Variants in CPAMD8 observed in about 807,000 individuals in gnomAD.
CPAMD8 encodes C3 and PZP like alpha-2-macroglobulin domain containing 8.
A neutral mutation model predicts 224.7 loss-of-function variants in CPAMD8; 146 were observed. The ratio of observed to expected loss-of-function variants is 0.65; its 90% CI spans 0.57 to 0.75. The LOEUF (loss-of-function observed/expected upper bound fraction) is 0.75, where lower values mean the gene tolerates loss of function less well. CPAMD8 is among the 30% of genes least tolerant of loss of function. The pLI, the probability that CPAMD8 is intolerant of heterozygous loss-of-function variation, is 0.00. For missense variants in CPAMD8, 2,301 were observed against 2,537.5 expected, an observed-to-expected ratio of 0.91 and a Z score of 2.00; for synonymous variants, 966 against 1,044.6, an observed-to-expected ratio of 0.92 and a Z score of 1.45.
rs183015197 is a variant in CPAMD8 at position 16,962,622 on chromosome 19, G to A, written c.2214-4707C>T. Among the ~76,000 whole-genome samples the A allele has an allele frequency of 2.4e-4, 37 of 152,258 alleles. No homozygotes were observed. The East Asian group carries it at 6.4e-3, about 26-fold the overall frequency. On this transcript the variant is annotated intron_variant, in intron 18 of 41. Transcript: ENST00000443236. ...AACCAAGTTGGAAAACACTCTGCAG[G>A]ATATTATCCAGGAGAACTTCCCCAA...
chr19:16,973,610 A>G (rs1314025395), intron 17 of CPAMD8, among the ~76,000 whole-genome samples: 1 of 151,932 alleles, frequency 6.6e-6, no homozygotes, highest in Non-Finnish European at 1.5e-5. Context: ...TGGCCTCCCA[A>G]AGTGCTGGGA....
At chr19:16,929,727 G>A (rs2053490534) in intron 23 of CPAMD8, among the ~76,000 whole-genome samples, 1 of 152,084 alleles carries the variant, frequency 6.6e-6, no homozygotes, top group African/African-American at 2.4e-5. Context: ...AAAACAAAAA[G>A]ATAAGATGCT....
At position 16,899,887 on chromosome 19, in the gene CPAMD8, C is replaced by A. The variant is rs2144713963; in HGVS notation, c.4774-338G>T. On this transcript the variant is annotated intron_variant, in intron 36 of 41. Coordinates refer to ENST00000443236, the MANE Select transcript of CPAMD8 (RefSeq NM_015692.5). The surrounding 1 kb of genome is among the most constrained non-coding windows in gnomAD (Gnocchi z 5.4). Reference sequence around the variant, plus strand: ...TCAGCTGCACTGTTCAAGTTCCCCTCCCAGCCTGGGATTTTTTTTTTTTTT... The same window carrying A: ...TCAGCTGCACTGTTCAAGTTCCCCTACCAGCCTGGGATTTTTTTTTTTTTT... Among the ~76,000 whole-genome samples the A allele has an allele frequency of 6.7e-6, 1 of 149,998 alleles. No individual in the cohort carries two copies. The highest frequency in any genetic ancestry group is 2.1e-4 in the South Asian group (1 of 4,692).
At chr19:16,959,793 C>A (rs1169998617) in intron 18 of CPAMD8, among the ~76,000 whole-genome samples, 3 of 152,206 alleles carry the variant, frequency 2.0e-5, no homozygotes, top group African/African-American at 2.4e-5. Flanking sequence ...CCCACCTCAG[C>A]CTCTCAAAGT....
At chr19:17,001,996 G>T (rs1430354645) in intron 9 of CPAMD8, among the ~76,000 whole-genome samples, 2 of 150,908 alleles carry the variant, frequency 1.3e-5, no homozygotes, top group Non-Finnish European at 3.0e-5. Flanking sequence ...GGGAGGAGGC[G>T]CCCACAGGGG....
Position 16,921,963 on chromosome 19 carries a change from T to G in CPAMD8, c.3571A>C (p.Lys1191Gln). 1 of 1,548,274 alleles carries G rather than the reference T, an allele frequency of 6.5e-7. No homozygotes were observed. Among genetic ancestry groups the G allele is most frequent in the East Asian group, 2.4e-5 (1 of 40,896 alleles). The change falls in exon 27 of 42, where the codon AAG (lysine) becomes CAG (glutamine). Residue 1191 changes from lysine (K) to glutamine (Q), a missense_variant. This residue lies in a region of CPAMD8 where 1,709 missense variants were observed against 1,753.2 expected (regional missense o/e 0.97). Transcript: ENST00000443236. The stretch of plus-strand genomic sequence containing the variant: ...GCGCTGTAGGAGCCATCCTGGCGCT[T>G]GTAGGTCAGCTGGCGCTGGTAGCCT... ...VQGYQRQLTY[K>Q]RQDGSYSAFG...
At chr19:16,953,030 C>A (rs922716237) in intron 19 of CPAMD8, among the ~76,000 whole-genome samples, 2 of 151,984 alleles carry the variant, frequency 1.3e-5, no homozygotes, top group African/African-American at 4.8e-5. Flanking sequence ...ACATACAGAC[C>A]AATGGAATCA....
chr19:16,913,010 C>T (rs1177711359), intron 29 of CPAMD8, among the ~76,000 whole-genome samples: 1 of 152,148 alleles, frequency 6.6e-6, no homozygotes, highest in Non-Finnish European at 1.5e-5. Flanking sequence ...TCATACAGGG[C>T]CAGAATAAGA....
At position 16,903,723 on chromosome 19, in the gene CPAMD8, C is replaced by G. The variant is rs1261590285; in HGVS notation, c.4386G>C (p.Gln1462His). ...QETFELHRTN[Q>H]KVLQTAAIPS... is the part of the protein sequence containing the mutation. ...GCACCGCTGCTGTCTGCAGAACCTTCTGGTTGGTCCTGTGCAGCTCGAAGG... is the reference window on the plus strand; with the variant it reads ...GCACCGCTGCTGTCTGCAGAACCTTGTGGTTGGTCCTGTGCAGCTCGAAGG... Residue 1462 changes from glutamine (Q) to histidine (H), a missense_variant, in exon 33 of 42, where the codon CAG becomes CAC. Physicochemically the swap from Gln to His is conservative, Grantham distance 24. Transcript: ENST00000443236. The G allele has an allele frequency of 6.2e-7, 1 of 1,614,208 alleles. No individual in the cohort carries two copies.
At chr19:17,019,565 A>AT (rs11307563) in intron 3 of CPAMD8, among the ~76,000 whole-genome samples, 7 of 148,166 alleles carry the variant, frequency 4.7e-5, no homozygotes, top group African/African-American at 7.5e-5. Context: ...TTATTCTCTC[A>AT]TTTTTTTTTA....
chr19:16,959,986 C>T (rs746537140), intron 18 of CPAMD8, among the ~76,000 whole-genome samples: 1 of 152,138 alleles, frequency 6.6e-6, no homozygotes, highest in Non-Finnish European at 1.5e-5. Context: ...CGTGCCTCCT[C>T]TCCTGGATGC....
rs140507405 is a variant in CPAMD8 at position 16,926,920 on chromosome 19, C to T, written c.3370+1089G>A. On this transcript the variant is annotated intron_variant, in intron 25 of 41. Transcript: ENST00000443236. ...GAAATTCCTCTGATCTGGCCACAAC[C>T]ACCTACCTGCCTGAGTCCCAGGGCC... 9.8e-5 allele frequency among the ~76,000 whole-genome samples: 15 copies of T among 152,294 alleles called. No homozygotes were observed. The East Asian group carries it at 2.7e-3, about 27-fold the overall frequency.
In CPAMD8 at chr19:16,908,523, A is replaced by G. The variant is rs546593788; in HGVS notation, c.3862-1406T>C. On this transcript the variant is annotated intron_variant, in intron 29 of 41. Transcript: ENST00000443236. ...CTGTTGGAAGACAGGGACCAAGTCC[A>G]GAATCTACTGATGGTTTTGGTTCAG... 7.9e-5 allele frequency among the ~76,000 whole-genome samples: 12 copies of G among 152,338 alleles called. No individual in the cohort carries two copies. The South Asian group carries it at 1.5e-3, about 18-fold the overall frequency.
At chr19:16,971,772 C>T (rs936144515) in intron 17 of CPAMD8, among the ~76,000 whole-genome samples, 1 of 152,104 alleles carries the variant, frequency 6.6e-6, no homozygotes, top group East Asian at 1.9e-4. Flanking sequence ...CATGGCCAGG[C>T]ATAGTGGCAC....
At chr19:16,963,857 A>G (rs183144675) in intron 18 of CPAMD8, among the ~76,000 whole-genome samples, 3 of 152,338 alleles carry the variant, frequency 2.0e-5, no homozygotes, top group Non-Finnish European at 2.9e-5. Context: ...CCACAGCACA[A>G]TCAAATTAGA....
In CPAMD8 at chr19:16,968,325, A is replaced by G. The variant is rs557818767; in HGVS notation, c.2213+2566T>C. ...TGCTAAACGTGTGGCCCCAGCAGGA[A>G]GAGCCTGGGGGACTGAAGCATCCAG... is the stretch of plus-strand genomic sequence containing the variant. On this transcript the variant is annotated intron_variant, in intron 18 of 41. Coordinates refer to ENST00000443236, the MANE Select transcript of CPAMD8 (RefSeq NM_015692.5). Among the ~76,000 whole-genome samples the G allele has an allele frequency of 1.3e-3, 194 of 152,292 alleles. 1 individual carries two copies. Among genetic ancestry groups the G allele is most frequent in the Non-Finnish European group, 8.1e-4 (55 of 68,026 alleles).
chr19:16,934,725 A>T (rs189860867), intron 23 of CPAMD8, among the ~76,000 whole-genome samples: 1 of 152,314 alleles, frequency 6.6e-6, no homozygotes, highest in Non-Finnish European at 1.5e-5. Context: ...ACCAGAGGAG[A>T]TGCTTTTCCT....
rs901981258 is a variant in CPAMD8, at chr19:16,925,292, G to A, written c.3451C>T (p.His1151Tyr). The A allele has an allele frequency of 1.9e-6, 3 of 1,614,240 alleles. No individual in the cohort carries two copies. The highest frequency in any genetic ancestry group is 2.5e-6 in the Non-Finnish European group (3 of 1,180,036). ...PFGCGEQNMIHFAPNVFVLKY... is the reference protein window; with the variant it reads ...PFGCGEQNMIYFAPNVFVLKY... ...AAGACAAAGACGTTGGGTGCAAAGT[G>A]GATCATGTTCTGCTCTCCACAGCCA... The change falls in exon 26 of 42, where the codon CAC becomes TAC. Residue 1151 changes from histidine to tyrosine, a missense_variant. By Grantham distance (83) the His-to-Tyr change is moderately conservative (BLOSUM62 2). Around this residue, in one of 4 missense-constraint regions of CPAMD8, gnomAD observed 1,709 missense variants for 1,753.2 expected, o/e 0.97. Coordinates refer to ENST00000443236, the MANE Select transcript of CPAMD8 (RefSeq NM_015692.5).
intron 25 of CPAMD8, 74 bp downstream of exon 25, chr19:16,927,935 G>T: frequency 1.8e-6 from 2 of 1,119,404 alleles, no homozygotes; most frequent in African/African-American, 3.0e-5. Context: ...AGCCCAGCTT[G>T]AGACTAAGCC....
Sources: allele counts gnomAD v4.1 joint callset (sites outside exome capture counted in the v4.1 genomes callset), GRCh38; gene constraint gnomAD v4.1.1; regional missense constraint gnomAD v4.1.1; non-coding constraint Gnocchi (gnomAD v3.1); transcripts MANE v1.5; gene names NCBI Gene and HGNC (gene_info 2026-07-23, HGNC 2026-07-21).